Variants in PCDHA5 observed in about 807,000 individuals in gnomAD.
PCDHA5 encodes protocadherin alpha-5.
A neutral mutation model predicts 61.6 loss-of-function variants in PCDHA5; 43 were observed. The ratio of observed to expected loss-of-function variants is 0.70; its 90% CI spans 0.55 to 0.90. The LOEUF (loss-of-function observed/expected upper bound fraction) is 0.90, where lower values mean the gene tolerates loss of function less well. PCDHA5 is among the 40% of genes least tolerant of loss of function. The pLI, the probability that PCDHA5 is intolerant of heterozygous loss-of-function variation, is 0.00. For missense variants in PCDHA5, 1,298 were observed against 1,222.7 expected, an observed-to-expected ratio of 1.06 and a Z score of -0.92; for synonymous variants, 627 against 543.9, an observed-to-expected ratio of 1.15 and a Z score of -2.13.
At chr5:140,836,605 G>A (rs2150265383) in intron 1 of PCDHA5, 1 of 1,613,738 alleles carries the variant, frequency 6.2e-7, no homozygotes. Context: ...ACTCTGGTGT[G>A]CTCCAGCGCG....
intron 1 of PCDHA5, among the ~76,000 whole-genome samples, chr5:140,970,131 A>G (rs1554232260): frequency 6.6e-6 from 1 of 152,186 alleles, no homozygotes; most frequent in Non-Finnish European, 1.5e-5. Context: ...GAAGGAAGAG[A>G]AGGGAAAAAG....
At chr5:140,965,607 T>C (rs2095916367) in intron 1 of PCDHA5, among the ~76,000 whole-genome samples, 1 of 152,088 alleles carries the variant, frequency 6.6e-6, no homozygotes, top group Non-Finnish European at 1.5e-5. Flanking sequence ...CTTGAAGACA[T>C]TGTCATCCAT....
intron 1 of PCDHA5, among the ~76,000 whole-genome samples, chr5:140,909,441 C>T (rs971678951): frequency 6.6e-6 from 1 of 152,214 alleles, no homozygotes; most frequent in Non-Finnish European, 1.5e-5. Context: ...AATCCACTGT[C>T]ATTCTCCAAG....
chr5:140,874,010 T>C (rs1002287481), intron 1 of PCDHA5, among the ~76,000 whole-genome samples: 7 of 152,208 alleles, frequency 4.6e-5, no homozygotes, highest in Non-Finnish European at 8.8e-5. Context: ...TTGACCACTT[T>C]TGAAAATGAA....
At chr5:140,884,396 C>A (rs2060144550) in intron 1 of PCDHA5, 2 of 1,614,012 alleles carry the variant, frequency 1.2e-6, no homozygotes, top group Middle Eastern at 1.6e-4. Flanking sequence ...GGTGTCCAGC[C>A]TGTTGGTGCT....
intron 1 of PCDHA5, chr5:140,829,111 T>G: frequency 6.2e-7 from 1 of 1,612,018 alleles, no homozygotes; most frequent in Non-Finnish European, 8.5e-7. Flanking sequence ...TAGTGAGAAT[T>G]TTGGATAAAA....
chr5:140,928,798 G>A lies in PCDHA5; in HGVS notation c.2353-50151G>A, dbSNP rs1015507486. On this transcript the variant is annotated intron_variant, in intron 1 of 3. Transcript: ENST00000529859. ...TGATGCAGTTAAGCAGAGGGTGGTGGTAGTGGTTCGGGACCATGGAGACCC... is the reference window on the plus strand; with the variant it reads ...TGATGCAGTTAAGCAGAGGGTGGTGATAGTGGTTCGGGACCATGGAGACCC... 2.4e-5 allele frequency: 38 copies of A among 1,614,046 alleles called. No homozygotes were observed. Among genetic ancestry groups the A allele is most frequent in the Non-Finnish European group, 3.2e-5 (38 of 1,180,052 alleles).
At chr5:140,883,521 T>C in intron 1 of PCDHA5, 2 of 1,614,202 alleles carry the variant, frequency 1.2e-6, no homozygotes, top group Non-Finnish European at 1.7e-6. Flanking sequence ...CGCGAGAGCG[T>C]ATCAGCCTAT....
chr5:140,982,224 A>G (rs893184323), intron 2 of PCDHA5: 8 of 587,202 alleles, frequency 1.4e-5, no homozygotes, highest in South Asian at 3.8e-5. Flanking sequence ...TGGCGTTAAT[A>G]AAAAACAGAA....
intron 1 of PCDHA5, chr5:140,969,172 G>T (rs782196654): frequency 1.2e-5 from 19 of 1,614,086 alleles, no homozygotes; most frequent in Non-Finnish European, 1.5e-5. Context: ...CAGGCTCAGG[G>T]AGTGACACTT....
At chr5:140,910,482 C>T (rs1439012617) in intron 1 of PCDHA5, among the ~76,000 whole-genome samples, 3 of 152,178 alleles carry the variant, frequency 2.0e-5, no homozygotes, top group African/African-American at 7.2e-5. Flanking sequence ...ATCTGGCATA[C>T]AGAGAAGAGC....
Position 140,877,714 on chromosome 5 carries a change from T to G in PCDHA5, c.2352+53587T>G, listed in dbSNP as rs781999747. 3.1e-6 allele frequency: 5 copies of G among 1,613,836 alleles called. No homozygotes were observed. The highest frequency in any genetic ancestry group is 4.2e-6 in the Non-Finnish European group (5 of 1,179,978). ...GGTGTGCTCCAGCGCCGTGGGGAGTTGGTCTTACTCGCAGCAGAGGAGGCA... is the reference window on the plus strand; with the variant it reads ...GGTGTGCTCCAGCGCCGTGGGGAGTGGGTCTTACTCGCAGCAGAGGAGGCA... On this transcript the variant is annotated intron_variant, in intron 1 of 3. Coordinates refer to ENST00000529859, the MANE Select transcript of PCDHA5 (RefSeq NM_018908.3).
chr5:140,981,232 T>G (rs768766953), intron 2 of PCDHA5, among the ~76,000 whole-genome samples: 32 of 152,216 alleles, frequency 2.1e-4, no homozygotes, highest in Non-Finnish European at 4.3e-4. Context: ...GTAGTCTAAA[T>G]TTTATTTTAG....
chr5:140,878,662 C>T (rs1479409326), intron 1 of PCDHA5, among the ~76,000 whole-genome samples: 1 of 152,194 alleles, frequency 6.6e-6, no homozygotes, highest in African/African-American at 2.4e-5. Flanking sequence ...CCAGAGGCTT[C>T]TCTTTAACCA....
intron 1 of PCDHA5, chr5:140,829,802 G>A (rs1554132256): frequency 5.0e-6 from 8 of 1,613,872 alleles, no homozygotes; most frequent in Non-Finnish European, 5.9e-6. Flanking sequence ...GCCTCGGGTG[G>A]GTGGTACTGG....
chr5:140,838,280 ATT>A lies in PCDHA5; in HGVS notation c.2352+14167_2352+14168del, dbSNP rs2150286950. Among the ~76,000 whole-genome samples, 385 of 139,594 alleles carry A rather than the reference ATT, an allele frequency of 2.8e-3. 5 individuals are homozygous for A. Among genetic ancestry groups the A allele is most frequent in the Middle Eastern group, 0.014 (4 of 280 alleles). 91.6% of individuals were successfully genotyped at this position (139,594 alleles called of 152,430 possible). The stretch of plus-strand genomic sequence containing the variant: ...AGACGCCAACAACCAAGCCATGCTA[ATT>A]TTTTTTTTTTTTTGTATTTTTAGTA... On this transcript the variant is annotated intron_variant, in intron 1 of 3. Coordinates refer to ENST00000529859, the MANE Select transcript of PCDHA5 (RefSeq NM_018908.3).
Position 140,838,427 on chromosome 5 carries a change from A to T in PCDHA5, c.2352+14300A>T, listed in dbSNP as rs1775725974. The stretch of plus-strand genomic sequence containing the variant: ...GAGTGAGCCACCGCATCCGGCCTAA[A>T]TTATATATTGGGTTTTGTGGCATAT... On this transcript the variant is annotated intron_variant, in intron 1 of 3. Coordinates refer to ENST00000529859, the MANE Select transcript of PCDHA5 (RefSeq NM_018908.3). Among the ~76,000 whole-genome samples the T allele has an allele frequency of 2.0e-5, 3 of 151,540 alleles. No individual in the cohort carries two copies. The South Asian group carries it at 6.2e-4, about 32-fold the overall frequency.
In PCDHA5 at chr5:140,856,147, A is replaced by C. The variant is rs142037616; in HGVS notation, c.2352+32020A>C. Reference sequence around the variant, plus strand: ...TGGGGAGCGGCCAGCTCCACTACTCAGTCTACGAGGAGGCCAGACACGGCA... The same window carrying C: ...TGGGGAGCGGCCAGCTCCACTACTCCGTCTACGAGGAGGCCAGACACGGCA... On this transcript the variant is annotated intron_variant, in intron 1 of 3. Coordinates refer to ENST00000529859, the MANE Select transcript of PCDHA5 (RefSeq NM_018908.3). 34 of 1,598,116 alleles carry C rather than the reference A, an allele frequency of 2.1e-5. 2 individuals are homozygous for C. Among genetic ancestry groups the C allele is most frequent in the Middle Eastern group, 1.7e-4 (1 of 6,012 alleles).
intron 1 of PCDHA5, among the ~76,000 whole-genome samples, chr5:140,902,203 CT>C (rs148688132): frequency 0.19 from 23,745 of 124,094 alleles, 1,540 homozygotes; most frequent in African/African-American, 0.29. Flanking sequence ...CTCTCTCTTT[CT>C]TTTTTTTTTT....
Sources: gnomAD v4.1 joint callset for allele counts (sites outside exome capture counted in the v4.1 genomes callset) on GRCh38, gnomAD v4.1.1 for gene constraint, MANE v1.5 for transcripts, NCBI Gene and HGNC (gene_info 2026-07-23, HGNC 2026-07-21) for gene names.